CCSER1: variants seen among roughly 807,000 people sequenced by gnomAD.
The protein encoded by CCSER1 is serine-rich coiled-coil domain-containing protein 1.
CCSER1 carries 41 observed loss-of-function variants against 82.0 expected under a neutral mutation model. The ratio of observed to expected loss-of-function variants is 0.50; its 90% confidence interval spans 0.39 to 0.65. The LOEUF is 0.65. Ranked by LOEUF, CCSER1 falls within the 30% of genes least tolerant of loss-of-function variation. CCSER1 has a pLI of 0.00. For missense variants in CCSER1, 1,119 were observed against 1,064.2 expected (o/e 1.05, Z -0.72); for synonymous variants, 414 against 383.9 (o/e 1.08, Z -0.92).
chr4:90,528,288 G>A (rs28414066), intron 5 of CCSER1, among the ~76,000 whole-genome samples: 8,722 of 151,892 alleles, frequency 0.057, 305 homozygotes, highest in Non-Finnish European at 0.064. Flanking sequence ...TGTGATTTTC[G>A]GTATTGACTT....
chr4:91,204,106 A>G (rs144517483), intron 10 of CCSER1, among the ~76,000 whole-genome samples: 84 of 151,976 alleles, frequency 5.5e-4, no homozygotes, highest in Admixed American at 7.2e-4. Flanking sequence ...AGACAGGTTT[A>G]TTATTACCAC....
chr4:91,072,161 T>A (rs1361827231), intron 9 of CCSER1, among the ~76,000 whole-genome samples: 1 of 152,132 alleles, frequency 6.6e-6, no homozygotes, highest in African/African-American at 2.4e-5. Flanking sequence ...TGTACCAAGA[T>A]GAGAACTGCT....
At chr4:90,547,585 C>T (rs751011043) in intron 5 of CCSER1, among the ~76,000 whole-genome samples, 1 of 151,966 alleles carries the variant, frequency 6.6e-6, no homozygotes, top group East Asian at 1.9e-4. Flanking sequence ...TGAAAACATA[C>T]TCTATGTCTT....
intron 5 of CCSER1, among the ~76,000 whole-genome samples, chr4:90,490,349 A>G (rs889667448): frequency 4.0e-5 from 6 of 151,714 alleles, no homozygotes; most frequent in African/African-American, 9.7e-5. Flanking sequence ...CATATCCTTC[A>G]CCCACTTTTT....
intron 6 of CCSER1, among the ~76,000 whole-genome samples, chr4:90,656,141 A>G (rs1729661374): frequency 6.6e-6 from 1 of 151,954 alleles, no homozygotes; most frequent in Non-Finnish European, 1.5e-5. Flanking sequence ...AAAAGTTTTT[A>G]AAAATTGTTG....
At chr4:90,330,344 T>G (rs1739054742) in intron 3 of CCSER1, among the ~76,000 whole-genome samples, 1 of 152,180 alleles carries the variant, frequency 6.6e-6, no homozygotes, top group Non-Finnish European at 1.5e-5. Flanking sequence ...GCTGTTACCT[T>G]CAGTAAGATT....
chr4:91,059,362 T>TATATACAC (rs1491559862), intron 9 of CCSER1, among the ~76,000 whole-genome samples: 1 of 84,480 alleles, frequency 1.2e-5, no homozygotes, highest in African/African-American at 4.5e-5. Flanking sequence ...CACGTGTGTA[T>TATATACAC]GTGTGTGTGT....
chr4:91,583,488 TATG>T (rs1166967564), intron 10 of CCSER1, among the ~76,000 whole-genome samples: 2 of 151,380 alleles, frequency 1.3e-5, no homozygotes, highest in African/African-American at 4.8e-5. Context: ...TGGTGCTAAT[TATG>T]ATATGTTCTG....
In CCSER1 at chr4:91,602,387, A is replaced by G. The variant is rs1308803790; in HGVS notation, c.*3330A>G. Among the ~76,000 whole-genome samples, 1 of 152,016 alleles carries G rather than the reference A, an allele frequency of 6.6e-6. No individual in the cohort carries two copies. Among genetic ancestry groups the G allele is most frequent in the Non-Finnish European group, 1.5e-5 (1 of 67,930 alleles). On this transcript the variant is annotated 3_prime_UTR_variant, in exon 11 of 11. Transcript: ENST00000509176. Reference sequence around the variant, plus strand: ...CTCCAGAAAAAAGTTTTTAAAAATTATTATGATATATTTAAGATTCACATG... The same window carrying G: ...CTCCAGAAAAAAGTTTTTAAAAATTGTTATGATATATTTAAGATTCACATG...
chr4:90,240,806 C>G (rs897649385), intron 1 of CCSER1, among the ~76,000 whole-genome samples: 1 of 152,132 alleles, frequency 6.6e-6, no homozygotes, highest in Non-Finnish European at 1.5e-5. Flanking sequence ...CTGGATTAGT[C>G]ACATTATCCT....
chr4:91,551,701 A>ACACACT (rs1762169416), intron 10 of CCSER1, among the ~76,000 whole-genome samples: 2 of 139,580 alleles, frequency 1.4e-5, no homozygotes, highest in African/African-American at 5.4e-5. Flanking sequence ...ACACACACAC[A>ACACACT]ATCAGTCAAG....
chr4:90,549,395 G>C (rs371548379), intron 5 of CCSER1, among the ~76,000 whole-genome samples: 1 of 151,832 alleles, frequency 6.6e-6, no homozygotes, highest in South Asian at 2.1e-4. Flanking sequence ...TGCCATAAGA[G>C]AAGTCACGAT....
chr4:90,966,157 TAAG>T (rs34359300), intron 9 of CCSER1, among the ~76,000 whole-genome samples: 4,160 of 152,052 alleles, frequency 0.027, 219 homozygotes, highest in African/African-American at 0.095. Flanking sequence ...ACATGAGATT[TAAG>T]AAGGAGTGAA....
chr4:90,460,142 C>G (rs566489289), intron 4 of CCSER1, among the ~76,000 whole-genome samples: 1 of 145,690 alleles, frequency 6.9e-6, no homozygotes, highest in Non-Finnish European at 1.5e-5. Context: ...CTGGCTAACA[C>G]GGTGAAACCC....
chr4:91,169,136 C>T (rs998775897), intron 10 of CCSER1, among the ~76,000 whole-genome samples: 3 of 147,932 alleles, frequency 2.0e-5, no homozygotes, highest in Non-Finnish European at 4.4e-5. Flanking sequence ...CTTGTCTCCA[C>T]TATTATCCTA....
At chr4:91,163,623 G>T (rs1180714923) in intron 10 of CCSER1, among the ~76,000 whole-genome samples, 3 of 152,014 alleles carry the variant, frequency 2.0e-5, no homozygotes, top group Admixed American at 6.6e-5. Flanking sequence ...TTCTGTGTTG[G>T]GTACATATAT....
At chr4:90,604,750 G>C (rs1784428876) in intron 5 of CCSER1, among the ~76,000 whole-genome samples, 1 of 152,068 alleles carries the variant, frequency 6.6e-6, no homozygotes, top group Admixed American at 6.5e-5. Context: ...TGTGTGTCTA[G>C]CTCATCTAGT....
chr4:90,936,521 T>C (rs557044532), intron 9 of CCSER1, among the ~76,000 whole-genome samples: 3 of 152,086 alleles, frequency 2.0e-5, no homozygotes, highest in Non-Finnish European at 4.4e-5. Flanking sequence ...ATTAAAACTT[T>C]TATGGAAAGA....
intron 7 of CCSER1, among the ~76,000 whole-genome samples, chr4:90,735,896 A>G (rs1391987971): frequency 1.3e-5 from 2 of 151,978 alleles, no homozygotes; most frequent in Non-Finnish European, 2.9e-5. Flanking sequence ...AGGTTTGGGT[A>G]TGTTGTGTTT....
Sources: allele counts gnomAD v4.1 joint callset (sites outside exome capture counted in the v4.1 genomes callset), GRCh38; gene constraint gnomAD v4.1.1; transcripts MANE v1.5; gene names NCBI Gene and HGNC (gene_info 2026-07-23, HGNC 2026-07-21).